ALK: variants seen among roughly 807,000 people sequenced by gnomAD.
The protein encoded by ALK is ALK receptor tyrosine kinase.
In ALK, 74 loss-of-function variants were observed where a neutral mutation model predicts 163.1. The observed-to-expected ratio is 0.45, with a 90% confidence interval of 0.38 to 0.55. The LOEUF (loss-of-function observed/expected upper bound fraction) is 0.55. Ranked by LOEUF, ALK falls within the 20% of genes least tolerant of loss-of-function variation. The pLI, the probability that ALK is intolerant of heterozygous loss-of-function variation, is 0.00. For missense variants in ALK, 2,063 were observed against 2,105.3 expected (o/e 0.98, Z 0.39); for synonymous variants, 960 against 843.2 (o/e 1.14, Z -2.40).
intron 3 of ALK, among the ~76,000 whole-genome samples, chr2:29,691,762 G>A (rs1273383021): frequency 2.0e-5 from 3 of 152,158 alleles, no homozygotes; most frequent in Non-Finnish European, 2.9e-5. Context: ...CACAGGTGGA[G>A]GAGGAGAAAC....
chr2:29,554,673 G>C (rs1336500365), intron 3 of ALK, among the ~76,000 whole-genome samples: 3 of 152,184 alleles, frequency 2.0e-5, no homozygotes, highest in Non-Finnish European at 4.4e-5. Flanking sequence ...AGAGGTGTTT[G>C]AACCAGAGCA....
chr2:29,785,310 C>T (rs1663979163), intron 1 of ALK, among the ~76,000 whole-genome samples: 3 of 152,184 alleles, frequency 2.0e-5, no homozygotes, highest in East Asian at 3.9e-4. Flanking sequence ...CAGAACATAC[C>T]GATATCCTGC....
intron 4 of ALK, among the ~76,000 whole-genome samples, chr2:29,421,442 T>A (rs958141644): frequency 6.6e-6 from 1 of 151,524 alleles, no homozygotes; most frequent in African/African-American, 2.4e-5. Context: ...GGAAGCATGC[T>A]GACAGCTGAG....
At chr2:29,771,389 CAGAG>C (rs2148344368) in intron 1 of ALK, among the ~76,000 whole-genome samples, 1 of 152,284 alleles carries the variant, frequency 6.6e-6, no homozygotes, top group African/African-American at 2.4e-5. Context: ...AGCTTCTAGA[CAGAG>C]AAAGATAAAA....
chr2:29,483,957 G>A (rs1289174266), intron 4 of ALK, among the ~76,000 whole-genome samples: 2 of 152,158 alleles, frequency 1.3e-5, no homozygotes, highest in Non-Finnish European at 2.9e-5. Flanking sequence ...TCACAATCAC[G>A]GCGGAAGGCG....
chr2:29,901,765 G>T (rs1667419039), intron 1 of ALK, among the ~76,000 whole-genome samples: 1 of 152,164 alleles, frequency 6.6e-6, no homozygotes, highest in Non-Finnish European at 1.5e-5. Flanking sequence ...ATTGGAGAGG[G>T]GGTCAGGAAG....
intron 3 of ALK, among the ~76,000 whole-genome samples, chr2:29,642,865 G>A (rs866279578): frequency 6.6e-6 from 1 of 152,120 alleles, no homozygotes; most frequent in Non-Finnish European, 1.5e-5. Context: ...TTCAGGAATT[G>A]TTTCAGTAAC....
At chr2:29,369,914 G>T (rs1668600580) in intron 5 of ALK, among the ~76,000 whole-genome samples, 1 of 152,202 alleles carries the variant, frequency 6.6e-6, no homozygotes, top group African/African-American at 2.4e-5. Flanking sequence ...AGGAAGAATA[G>T]AATGGAGAAA....
At chr2:29,244,613 C>T (rs1664610657) in intron 12 of ALK, among the ~76,000 whole-genome samples, 1 of 152,150 alleles carries the variant, frequency 6.6e-6, no homozygotes, top group African/African-American at 2.4e-5. Flanking sequence ...CTCTATAGCC[C>T]CTCGCTCTGC....
chr2:29,200,357 CTTAGT>C (rs1015083723), intron 26 of ALK, among the ~76,000 whole-genome samples: 12 of 152,050 alleles, frequency 7.9e-5, no homozygotes, highest in African/African-American at 2.7e-4. Context: ...TATTTATTTT[CTTAGT>C]TTAGAGTTCA....
In ALK at chr2:29,193,045, C is replaced by T; in HGVS notation, c.*179G>A. The stretch of plus-strand genomic sequence containing the variant: ...TCTTCTTTCGAAAGAATAGGATGAA[C>T]CCATGCTCAAAACCTTTCTAAAGCA... On this transcript the variant is annotated 3_prime_UTR_variant, in exon 29 of 29. Transcript: ENST00000389048. 1 of 681,380 alleles carries T rather than the reference C, an allele frequency of 1.5e-6. No homozygotes were observed. Among genetic ancestry groups the T allele is most frequent in the Non-Finnish European group, 2.6e-6 (1 of 386,808 alleles). 42.2% of individuals were successfully genotyped at this position (681,380 alleles called of 1,614,324 possible). A position where few individuals can be genotyped will look rare whatever the true frequency, so the allele number is the denominator to read the frequency against.
rs182020094 is a variant in ALK, at chr2:29,519,751, G to A, written c.1154+12164C>T. ...CCAGGGCAGGTGACCAGGCCACTGC[G>A]AGAAAGGCTGGAAGACTCCAGATAG... On this transcript the variant is annotated intron_variant, in intron 4 of 28. Transcript: ENST00000389048. Among the ~76,000 whole-genome samples, 1,083 of 152,326 alleles carry A rather than the reference G, an allele frequency of 7.1e-3. 7 individuals are homozygous for A. The highest frequency in any genetic ancestry group is 0.013 in the South Asian group (63 of 4,828).
chr2:29,776,591 T>G (rs1443162865), intron 1 of ALK, among the ~76,000 whole-genome samples: 5 of 152,200 alleles, frequency 3.3e-5, no homozygotes, highest in African/African-American at 1.2e-4. Context: ...GAGTCAGATC[T>G]GTTTCTCATT....
intron 1 of ALK, among the ~76,000 whole-genome samples, chr2:29,747,468 T>G (rs1573603359): frequency 6.6e-6 from 1 of 152,314 alleles, no homozygotes; most frequent in Non-Finnish European, 1.5e-5. Flanking sequence ...TCAGGATACA[T>G]CGGTTTTGGA....
chr2:29,809,029 A>G (rs960809872), intron 1 of ALK, among the ~76,000 whole-genome samples: 16 of 152,214 alleles, frequency 1.1e-4, no homozygotes, highest in African/African-American at 3.9e-4. Flanking sequence ...CTTTCCAGGG[A>G]TTGCTTCACC....
At chr2:29,298,730 A>C (rs1253488648) in intron 8 of ALK, among the ~76,000 whole-genome samples, 3 of 152,010 alleles carry the variant, frequency 2.0e-5, no homozygotes, top group Non-Finnish European at 4.4e-5. Context: ...AATCTCCTTC[A>C]GTCCCCTTCT....
intron 3 of ALK, among the ~76,000 whole-genome samples, chr2:29,534,069 G>T (rs1673186107): frequency 6.6e-6 from 1 of 152,146 alleles, no homozygotes; most frequent in Non-Finnish European, 1.5e-5. Context: ...AATAAGGAGG[G>T]CCAGGGAGAT....
At chr2:29,833,373 C>T (rs966039800) in intron 1 of ALK, among the ~76,000 whole-genome samples, 33 of 152,224 alleles carry the variant, frequency 2.2e-4, no homozygotes, top group African/African-American at 8.0e-4. Context: ...AGACACTGAA[C>T]AAAATAGGAA....
At chr2:29,471,675 C>G (rs1390307598) in intron 4 of ALK, among the ~76,000 whole-genome samples, 1 of 152,144 alleles carries the variant, frequency 6.6e-6, no homozygotes, top group Non-Finnish European at 1.5e-5. Flanking sequence ...ATTTCCGTTC[C>G]CACATGCTCT....
Sources: allele counts gnomAD v4.1 joint callset (sites outside exome capture counted in the v4.1 genomes callset), GRCh38; gene constraint gnomAD v4.1.1; transcripts MANE v1.5; gene names NCBI Gene and HGNC (gene_info 2026-07-23, HGNC 2026-07-21).